NID2: variants seen among roughly 807,000 people sequenced by gnomAD.
The protein encoded by NID2 is nidogen-2.
In NID2, 83 loss-of-function variants were observed where a neutral mutation model predicts 145.4. The ratio of observed to expected loss-of-function variants is 0.57; its 90% CI spans 0.48 to 0.69. The LOEUF is 0.69. Among genes scored for constraint, NID2 ranks in the 30% least tolerant of loss-of-function variants. The pLI is 0.00. For missense variants in NID2, 1,807 were observed against 1,765.7 expected, an observed-to-expected ratio of 1.02 and a Z score of -0.42; for synonymous variants, 739 against 701.3, an observed-to-expected ratio of 1.05 and a Z score of -0.85.
chr14:52,036,075 G>T (rs1312204672), intron 9 of NID2, among the ~76,000 whole-genome samples: 1 of 151,778 alleles, frequency 6.6e-6, no homozygotes, highest in Non-Finnish European at 1.5e-5. Context: ...AAACAATTTC[G>T]TCTATTCAGT....
chr14:52,039,229 G>C (rs1053343665), intron 8 of NID2, among the ~76,000 whole-genome samples: 38 of 152,302 alleles, frequency 2.5e-4, no homozygotes, highest in African/African-American at 9.1e-4. Context: ...CTAAGGGCCA[G>C]CCATGCCAAC....
At chr14:52,014,491 A>G in intron 15 of NID2, 35 bp from the exon 16 acceptor site, 1 of 1,574,760 alleles carries the variant, frequency 6.4e-7, no homozygotes, top group Middle Eastern at 1.7e-4. Flanking sequence ...AGGAAGGGGA[A>G]CAAGGGCAGG....
At chr14:52,065,975 G>A (rs1893191754) in intron 2 of NID2, among the ~76,000 whole-genome samples, 3 of 150,590 alleles carry the variant, frequency 2.0e-5, no homozygotes, top group African/African-American at 7.4e-5. Context: ...ACGTGTGCAT[G>A]TGTCTTTATA....
In NID2 at chr14:52,068,966, G is replaced by A; in HGVS notation, c.29C>T (p.Pro10Leu). 1 of 1,611,934 alleles carries A rather than the reference G, an allele frequency of 6.2e-7. No homozygotes were observed. Among genetic ancestry groups the A allele is most frequent in the Non-Finnish European group, 8.5e-7 (1 of 1,179,076 alleles). Residue 10 changes from proline (P) to leucine (L), a missense_variant, in exon 1 of 22, where the codon CCG becomes CTG. By Grantham distance (98) the Pro-to-Leu change is moderately conservative. Transcript: ENST00000216286. MEGDRVAGR[P>L]VLSSLPVLLL... ...TAGCACTGGTAACGACGACAGCACCGGCCGCCCGGCCACCCGGTCCCCCTC... is the reference window on the plus strand; with the variant it reads ...TAGCACTGGTAACGACGACAGCACCAGCCGCCCGGCCACCCGGTCCCCCTC...
chr14:52,020,247 T>C, intron 12 of NID2, 69 bp from the exon 13 acceptor site: 1 of 1,595,738 alleles, frequency 6.3e-7, no homozygotes, highest in Non-Finnish European at 8.5e-7. Flanking sequence ...TCTGTGCGAC[T>C]GCATGGGCTT....
chr14:52,006,150 C>T (rs74049324), intron 20 of NID2: 44,352 of 411,814 alleles, frequency 0.11, 2,869 homozygotes, highest in African/African-American at 0.18. Flanking sequence ...TAGTATTTTT[C>T]GGTCCCTCAG....
In NID2 at chr14:52,012,129, CTG is replaced by C. The variant is rs145078029; in HGVS notation, c.3421-448_3421-447del. 7.3e-3 allele frequency: 1,112 copies of C among 153,214 alleles called. 7 individuals are homozygous for C. Among genetic ancestry groups the C allele is most frequent in the African/African-American group, 0.022 (911 of 41,392 alleles). The allele number at this position is 153,214 out of a possible 1,614,324, so 9.5% of individuals were successfully genotyped here. A position where few individuals can be genotyped will look rare whatever the true frequency, so the allele number is the denominator to read the frequency against. ...TTTTTAATATTTTACTGGGTAAAAACTGAATCTTTTCCCAATGTCATCAGCAC... is the reference window on the plus strand; with the variant it reads ...TTTTTAATATTTTACTGGGTAAAAACAATCTTTTCCCAATGTCATCAGCAC... On this transcript the variant is annotated intron_variant, in intron 16 of 21. Transcript: ENST00000216286.
At chr14:52,024,269 A>C (rs748289140) in intron 12 of NID2, among the ~76,000 whole-genome samples, 3 of 152,252 alleles carry the variant, frequency 2.0e-5, no homozygotes, top group Non-Finnish European at 4.4e-5. Context: ...TTTAATTAAT[A>C]AAGCAACATT....
chr14:52,038,703 A>G (rs1479030567), intron 9 of NID2, 44 bp downstream of exon 9: 1 of 1,444,308 alleles, frequency 6.9e-7, no homozygotes, highest in Non-Finnish European at 9.4e-7. Context: ...AACTCTACTT[A>G]AAAGGATGTC....
At chr14:52,016,264 T>A (rs1367627908) in intron 14 of NID2, among the ~76,000 whole-genome samples, 6 of 152,208 alleles carry the variant, frequency 3.9e-5, no homozygotes, top group African/African-American at 1.2e-4. Flanking sequence ...CAAAGGAACT[T>A]AAACAAGAGG....
chr14:52,014,351 C>G lies in NID2; in HGVS notation c.3356G>C (p.Gly1119Ala), dbSNP rs1891137462. 1 of 1,614,240 alleles carries G rather than the reference C, an allele frequency of 6.2e-7. No individual in the cohort carries two copies. The highest frequency in any genetic ancestry group is 1.6e-4 in the Middle Eastern group (1 of 6,062). ...CCTGGTGCCATTGAGGGGTAAGTAGCCAATCTGCTGGCCCTGAGTATAGAG... is the reference window on the plus strand; with the variant it reads ...CCTGGTGCCATTGAGGGGTAAGTAGGCAATCTGCTGGCCCTGAGTATAGAG... ...FLLYTQGQQI[G>A]YLPLNGTRLQ... Residue 1119 changes from glycine to alanine, a missense_variant, in exon 16 of 22, where the codon GGC (glycine) becomes GCC (alanine). Gly to Ala is a moderately conservative substitution (Grantham distance 60). Transcript: ENST00000216286.
rs905381176 is a variant in NID2, at chr14:52,005,404, A to ACTTT, written c.*78_*81dup. The ACTTT allele has an allele frequency of 7.4e-7, 1 of 1,358,184 alleles. No homozygotes were observed. Among genetic ancestry groups the ACTTT allele is most frequent in the African/African-American group, 1.5e-5 (1 of 68,530 alleles). 84.1% of individuals were successfully genotyped at this position (1,358,184 alleles called of 1,614,324 possible). ...ACGTCTAATGGCCAATTCCTTTTTT[A>ACTTT]CTTTCTTTGCCTTTGCAGTCACTGT... On this transcript the variant is annotated 3_prime_UTR_variant, in exon 22 of 22. Transcript: ENST00000216286.
At position 52,068,908 on chromosome 14, in the gene NID2, C is replaced by T. The variant is rs745583426; in HGVS notation, c.87G>A (p.Ala29=). Residue 29 remains alanine (A), a synonymous_variant, in exon 1 of 22, where the codon GCG becomes GCA. Coordinates refer to ENST00000216286, the MANE Select transcript of NID2 (RefSeq NM_007361.4). ...GGAAGAGCTCGTCTGGGTGCAGCGC[C>T]GCGGCCCGCAACATTAGCAACGGCA... is the stretch of plus-strand genomic sequence containing the variant. ...LLLPLLMLRA[A]ALHPDELFPH... 5.0e-6 allele frequency: 8 copies of T among 1,614,044 alleles called. No individual in the cohort carries two copies. The highest frequency in any genetic ancestry group is 3.3e-5 in the South Asian group (3 of 91,086).
rs556450484 is a variant in NID2 at position 52,017,040 on chromosome 14, A to G, written c.3029-1765T>C. ...GTAAGACTCTGACTTCTTCAGCCAA[A>G]TGTGTCTCAAGGAACACAGAGAGGG... On this transcript the variant is annotated intron_variant, in intron 14 of 21. Transcript: ENST00000216286. 1.3e-4 allele frequency among the ~76,000 whole-genome samples: 20 copies of G among 152,308 alleles called. No homozygotes were observed. The South Asian group carries it at 3.5e-3, about 27-fold the overall frequency.
chr14:52,044,705 C>T (rs1595041534), intron 5 of NID2, among the ~76,000 whole-genome samples: 1 of 152,252 alleles, frequency 6.6e-6, no homozygotes, highest in South Asian at 2.1e-4. Context: ...CTCGACTTCC[C>T]AGGCTCAAGT....
Position 52,053,757 on chromosome 14 carries a change from G to A in NID2, c.1251C>T (p.Asn417=), listed in dbSNP as rs776405624. 29 of 1,614,126 alleles carry A rather than the reference G, an allele frequency of 1.8e-5. No homozygotes were observed. Among genetic ancestry groups the A allele is most frequent in the African/African-American group, 8.0e-5 (6 of 74,940 alleles). ...CATCTGGGTAGGGCTGGATGCTTCC[G>A]TTTTCGGGGTACGGTGGTGGGGTTT... The part of the protein sequence containing the change: ...SWETPPPYPE[N]GSIQPYPDGG... Residue 417 remains asparagine (N), a synonymous_variant, in exon 5 of 22, where the codon AAC becomes AAT. Coordinates refer to ENST00000216286, the MANE Select transcript of NID2 (RefSeq NM_007361.4).
At position 52,027,302 on chromosome 14, in the gene NID2, G is replaced by A. The variant is rs747525166; in HGVS notation, c.2573C>T (p.Thr858Ile). 1 of 1,593,660 alleles carries A rather than the reference G, an allele frequency of 6.3e-7. No homozygotes were observed. The highest frequency in any genetic ancestry group is 8.5e-7 in the Non-Finnish European group (1 of 1,170,974). The stretch of plus-strand genomic sequence containing the variant: ...CCGGGCCTGCCCAGCAGGAGCACAG[G>A]TATGACTGCCATCCTCACAGGGGTT... ...PANPCEDGSH[T>I]CAPAGQARCV... is the part of the protein sequence containing the mutation. Residue 858 changes from threonine (T) to isoleucine (I), a missense_variant, in exon 12 of 22, where the codon ACC (threonine) becomes ATC (isoleucine). Coordinates refer to ENST00000216286, the MANE Select transcript of NID2 (RefSeq NM_007361.4).
Position 52,012,729 on chromosome 14 carries a change from T to TA in NID2, c.3421-1047dup, listed in dbSNP as rs952845122. On this transcript the variant is annotated intron_variant, in intron 16 of 21. Coordinates refer to ENST00000216286, the MANE Select transcript of NID2 (RefSeq NM_007361.4). ...AAGTCTTTTAAAAAAATAATAAAAA[T>TA]AAAAAAAATGCTGAGTCTGATATTT... Among the ~76,000 whole-genome samples the TA allele has an allele frequency of 6.6e-5, 10 of 152,076 alleles. No homozygotes were observed. In the East Asian group the frequency reaches 7.7e-4, roughly 12 times the overall value.
At chr14:52,029,002 T>C (rs1303420903) in intron 10 of NID2, 152 bp from the exon 11 acceptor site, 2 of 647,476 alleles carry the variant, frequency 3.1e-6, no homozygotes, top group African/African-American at 1.9e-5. Flanking sequence ...TATGAATGCA[T>C]GTTGCAGATA....
Sources: gnomAD v4.1 joint callset for allele counts (sites outside exome capture counted in the v4.1 genomes callset) on GRCh38, gnomAD v4.1.1 for gene constraint, MANE v1.5 for transcripts, NCBI Gene and HGNC (gene_info 2026-07-23, HGNC 2026-07-21) for gene names.